NUP160: variants seen among roughly 807,000 people sequenced by gnomAD.
The protein encoded by NUP160 is nucleoporin 160.
NUP160 carries 94 observed loss-of-function variants against 196.9 expected under a neutral mutation model. The observed-to-expected ratio is 0.48, with a 90% CI of 0.40 to 0.57. NUP160 has a LOEUF of 0.57. NUP160 is among the 20% of genes least tolerant of loss of function. NUP160 has a pLI of 0.00. For missense variants in NUP160, 1,638 were observed against 1,748.3 expected (o/e 0.94, Z 1.13); for synonymous variants, 605 against 619.7 (o/e 0.98, Z 0.35).
At chr11:47,847,852 G>C (rs1263633347) in exon 2 of NUP160, 4 of 1,609,366 alleles carry the variant, frequency 2.5e-6, no homozygotes, top group Non-Finnish European at 3.4e-6. Flanking sequence ...ACTTACCAAT[G>C]AATGAACCTG....
chr11:47,802,663 TA>T (rs772153702), intron 22 of NUP160, among the ~76,000 whole-genome samples: 66 of 151,566 alleles, frequency 4.4e-4, no homozygotes, highest in South Asian at 1.0e-3. Context: ...CATAAAACAA[TA>T]AAAAAAATGT....
At chr11:47,842,779 C>T (rs1852330606) in intron 2 of NUP160, among the ~76,000 whole-genome samples, 1 of 152,134 alleles carries the variant, frequency 6.6e-6, no homozygotes, top group Non-Finnish European at 1.5e-5. Flanking sequence ...TTCTTCAGCC[C>T]AGGAGTACGA....
intron 21 of NUP160, 156 bp downstream of exon 21, chr11:47,804,393 A>C: frequency 1.7e-6 from 1 of 572,298 alleles, no homozygotes; most frequent in Non-Finnish European, 3.0e-6. Flanking sequence ...AGGATGGTAT[A>C]GAAATAGAGA....
chr11:47,848,300 G>C lies in NUP160; in HGVS notation c.121C>G (p.Leu41Val), dbSNP rs138245542. 29 of 1,613,832 alleles carry C rather than the reference G, an allele frequency of 1.8e-5. No homozygotes were observed. The highest frequency in any genetic ancestry group is 2.5e-5 in the Non-Finnish European group (29 of 1,179,984). The change falls in exon 1 of 36, where the codon CTG becomes GTG. Residue 41 changes from leucine (L) to valine (V), a missense_variant. Leu to Val is a conservative substitution (Grantham distance 32, BLOSUM62 1). Coordinates refer to ENST00000378460, the Ensembl canonical transcript of NUP160. Reference sequence around the variant, plus strand: ...CTTAGCTCCACGAAGCTCCGTTCCAGGGCTCCCGCCGCCGCCATCTTCCCG... The same window carrying C: ...CTTAGCTCCACGAAGCTCCGTTCCACGGCTCCCGCCGCCGCCATCTTCCCG...
At chr11:47,814,070 CAAAAAAAAAAAAAA>C (rs5791787) in intron 13 of NUP160, among the ~76,000 whole-genome samples, 1 of 39,834 alleles carries the variant, frequency 2.5e-5, no homozygotes, top group Non-Finnish European at 4.5e-5. Context: ...GACTCTGTCT[CAAAAAAAAAAAAAA>C]AAAAAAAAAA....
rs140253837 is a variant in NUP160, at chr11:47,809,569, C to T, written c.2242-1040G>A. 4.2e-3 allele frequency among the ~76,000 whole-genome samples: 639 copies of T among 151,688 alleles called. 28 individuals carry two copies. In the East Asian group the frequency reaches 0.1, roughly 25 times the overall value. On this transcript the variant is annotated intron_variant, in intron 17 of 35. Coordinates refer to ENST00000378460, the Ensembl canonical transcript of NUP160. ...TTCGAGACCAGTCTGGCCAATATGG[C>T]GAAACCCCATCTCTATTAAAAATAT...
chr11:47,814,821 G>A (rs950774781), intron 13 of NUP160, among the ~76,000 whole-genome samples: 1 of 152,152 alleles, frequency 6.6e-6, no homozygotes, highest in African/African-American at 2.4e-5. Context: ...AAACTGTTTA[G>A]AGAAAGAAGA....
At chr11:47,825,454 CTTT>C (rs776138457) in intron 7 of NUP160, among the ~76,000 whole-genome samples, 3 of 122,822 alleles carry the variant, frequency 2.4e-5, no homozygotes, top group African/African-American at 3.1e-5. Context: ...TAATTTTTGC[CTTT>C]TTTTTTTTTT....
chr11:47,801,494 C>T (rs2097674136), intron 23 of NUP160, among the ~76,000 whole-genome samples: 1 of 151,904 alleles, frequency 6.6e-6, no homozygotes, highest in South Asian at 2.1e-4. Flanking sequence ...GGATTACAGG[C>T]ACCCGCCACC....
At chr11:47,796,518 G>A (rs2097670995) in intron 27 of NUP160, 17 of 251,244 alleles carry the variant, frequency 6.8e-5, no homozygotes, top group Admixed American at 2.2e-4. Context: ...GAGAGAGGAA[G>A]GAAGGGGGAA....
intron 7 of NUP160, among the ~76,000 whole-genome samples, chr11:47,831,894 C>CTTTTTTTTTTTTTTTTT (rs554204043): frequency 1.3e-4 from 9 of 69,982 alleles, no homozygotes; most frequent in African/African-American, 5.6e-4. Flanking sequence ...TAATAAATTC[C>CTTTTTTTTTTTTTTTTT]TTTTTTTTTT....
At chr11:47,813,284 G>A (rs2097682202) in intron 14 of NUP160, 32 bp downstream of exon 14, 1 of 1,413,614 alleles carries the variant, frequency 7.1e-7, no homozygotes. Flanking sequence ...TATAGGAAGG[G>A]GATTAAATAT....
At chr11:47,795,632 C>CTCACATTCCGT (rs1211650464) in intron 27 of NUP160, among the ~76,000 whole-genome samples, 3 of 152,170 alleles carry the variant, frequency 2.0e-5, no homozygotes, top group Non-Finnish European at 4.4e-5. Flanking sequence ...TCACATTCCG[C>CTCACATTCCGT]TCACATTCCG....
At chr11:47,788,848 T>C (rs1373380649) in intron 29 of NUP160, among the ~76,000 whole-genome samples, 2 of 151,950 alleles carry the variant, frequency 1.3e-5, no homozygotes, top group Non-Finnish European at 2.9e-5. Flanking sequence ...TACAAGGTAC[T>C]ACATGTAATT....
intron 7 of NUP160, among the ~76,000 whole-genome samples, chr11:47,834,440 T>C (rs1852135747): frequency 6.6e-6 from 1 of 152,096 alleles, no homozygotes; most frequent in Non-Finnish European, 1.5e-5. Flanking sequence ...GAAGAGAGAA[T>C]AGAACAATTA....
intron 7 of NUP160, chr11:47,827,231 G>A (rs747947481): frequency 4.5e-5 from 20 of 440,550 alleles, no homozygotes; most frequent in Middle Eastern, 6.1e-4. Flanking sequence ...ATGTGTGGTC[G>A]CACACACCTG....
At chr11:47,805,378 G>A (rs560709293) in intron 20 of NUP160, among the ~76,000 whole-genome samples, 102 of 151,654 alleles carry the variant, frequency 6.7e-4, no homozygotes, top group East Asian at 1.4e-3. Flanking sequence ...TGATCTGCCC[G>A]CCTTGGCCTC....
intron 27 of NUP160, among the ~76,000 whole-genome samples, chr11:47,797,270 G>A (rs886330456): frequency 7.2e-5 from 11 of 151,928 alleles, no homozygotes; most frequent in African/African-American, 2.2e-4. Flanking sequence ...TTTGCTTTTC[G>A]CCCAGGATGG....
At chr11:47,835,886 C>T (rs1852163900) in intron 6 of NUP160, 77 bp from the exon 7 acceptor site, 1 of 1,170,876 alleles carries the variant, frequency 8.5e-7, no homozygotes, top group Admixed American at 2.5e-5. Context: ...AAAGGATGGA[C>T]CTTTCATTGT....
Sources: allele counts gnomAD v4.1 joint callset (sites outside exome capture counted in the v4.1 genomes callset), GRCh38; gene constraint gnomAD v4.1.1; transcripts MANE v1.5; gene names NCBI Gene and HGNC (gene_info 2026-07-23, HGNC 2026-07-21).